The following TCF20 variants were observed in gnomAD, a reference collection of about 807,000 sequenced individuals.
TCF20 encodes SPRE-binding protein.
In TCF20, 3 loss-of-function variants were observed where a neutral mutation model predicts 148.6. The ratio of observed to expected loss-of-function variants is 0.02; its 90% CI spans 0.01 to 0.05. The LOEUF is 0.05. Among genes scored for constraint, TCF20 ranks in the 10% least tolerant of loss-of-function variants. The pLI is 1.00. For missense variants in TCF20, 2,350 were observed against 2,429.3 expected (o/e 0.97, Z 0.69); for synonymous variants, 1,049 against 909.5 (o/e 1.15, Z -2.76).
chr22:42,248,601 A>G (rs1429671627), intron 1 of TCF20, among the ~76,000 whole-genome samples: 1 of 152,230 alleles, frequency 6.6e-6, no homozygotes, highest in Non-Finnish European at 1.5e-5. Context: ...GTCTGCAATC[A>G]GTACCAATCA....
intron 1 of TCF20, among the ~76,000 whole-genome samples, chr22:42,248,400 C>T (rs79670449): frequency 2.6e-5 from 4 of 152,070 alleles, no homozygotes; most frequent in Admixed American, 6.6e-5. Flanking sequence ...TCTTTATCCC[C>T]GTTTTACAGA....
intron 1 of TCF20, among the ~76,000 whole-genome samples, chr22:42,268,387 G>A (rs1046663599): frequency 6.6e-6 from 1 of 152,134 alleles, no homozygotes; most frequent in Non-Finnish European, 1.5e-5. Context: ...CAGCATCTGC[G>A]GAGCACTGGC....
At position 42,209,922 on chromosome 22, in the gene TCF20, C is replaced by G. The variant is rs1920927725; in HGVS notation, c.5384G>C (p.Cys1795Ser). 3 of 1,614,190 alleles carry G rather than the reference C, an allele frequency of 1.9e-6. No individual in the cohort carries two copies. Among genetic ancestry groups the G allele is most frequent in the Non-Finnish European group, 2.5e-6 (3 of 1,180,036 alleles). ...GGACAGGGACCGAGGGCCTCCACCA[C>G]AGTCTTCCGAGCGGTGGCGCCGCTT... The part of the protein sequence containing the change: ...RFKRRHRSED[C>S]GGGPRSLSRG... Residue 1795 changes from cysteine (C) to serine (S), a missense_variant, in exon 2 of 6, where the codon TGT becomes TCT. Physicochemically the swap from Cys to Ser is moderately radical, Grantham distance 112 (BLOSUM62 -1). This residue lies in a region of TCF20 where 374 missense variants were observed against 398.3 expected (regional missense o/e 0.94). Coordinates refer to ENST00000677622, the MANE Select transcript of TCF20 (RefSeq NM_001378418.1).
At chr22:42,247,964 C>G (rs375280261) in intron 1 of TCF20, among the ~76,000 whole-genome samples, 1 of 152,222 alleles carries the variant, frequency 6.6e-6, no homozygotes, top group Non-Finnish European at 1.5e-5. Flanking sequence ...TAGACTGATA[C>G]AACCTTCTGG....
At chr22:42,253,618 A>C (rs1464949686) in intron 1 of TCF20, among the ~76,000 whole-genome samples, 3 of 152,210 alleles carry the variant, frequency 2.0e-5, no homozygotes, top group Non-Finnish European at 2.9e-5. Context: ...CTGGAATGTT[A>C]AAATCTAATA....
At chr22:42,196,255 G>A (rs1382759303) in intron 2 of TCF20, among the ~76,000 whole-genome samples, 2 of 152,214 alleles carry the variant, frequency 1.3e-5, no homozygotes, top group Non-Finnish European at 2.9e-5. Flanking sequence ...GAGTGCAGCT[G>A]GGCAGCACTT....
In TCF20 at chr22:42,245,529, T is replaced by C. The variant is rs77134147; in HGVS notation, c.-37+24810A>G. ...TTCTCCCTTAAGAACTGAGTCCTAG[T>C]ACTAAAAACTAACCTTTCACCATCA... On this transcript the variant is annotated intron_variant, in intron 1 of 5. Transcript: ENST00000677622. 7.0e-3 allele frequency among the ~76,000 whole-genome samples: 1,072 copies of C among 152,288 alleles called. 10 individuals carry two copies. Among genetic ancestry groups the C allele is most frequent in the Non-Finnish European group, 0.013 (866 of 68,022 alleles).
At chr22:42,274,911 T>G (rs1273406172), upstream of TCF20, 2 of 152,280 alleles carry the variant, frequency 1.3e-5, no homozygotes, top group African/African-American at 4.8e-5. Flanking sequence ...ACTATGCAGA[T>G]TTCCCTTTAT....
At chr22:42,253,437 A>G (rs78179954) in intron 1 of TCF20, among the ~76,000 whole-genome samples, 6,487 of 152,328 alleles carry the variant, frequency 0.043, 219 homozygotes, top group Non-Finnish European at 0.063. Flanking sequence ...CTGTTGAAAA[A>G]TATTTATTAA....
chr22:42,199,096 GAT>G (rs1412408894), intron 2 of TCF20, among the ~76,000 whole-genome samples: 4 of 152,194 alleles, frequency 2.6e-5, no homozygotes, highest in South Asian at 2.1e-4. Context: ...AGAAGAGTCA[GAT>G]ATGTTGGGTT....
chr22:42,270,168 A>T (rs1926524896), intron 1 of TCF20, 171 bp downstream of exon 1: 1 of 151,472 alleles, frequency 6.6e-6, no homozygotes, highest in African/African-American at 2.4e-5. Context: ...CCGGGCAGCA[A>T]CACTCCCCTC....
chr22:42,309,069 G>C (rs1358385428), intron 1 of TCF20, among the ~76,000 whole-genome samples: 4 of 152,172 alleles, frequency 2.6e-5, no homozygotes, highest in African/African-American at 9.7e-5. Context: ...GGGAGGCTGA[G>C]AGAAGCATGG....
Position 42,257,046 on chromosome 22 carries a change from G to C in TCF20, c.-37+13293C>G, listed in dbSNP as rs140687471. Among the ~76,000 whole-genome samples, 651 of 152,284 alleles carry C rather than the reference G, an allele frequency of 4.3e-3. 10 individuals carry two copies. The highest frequency in any genetic ancestry group is 0.015 in the African/African-American group (629 of 41,544). ...GTGGTGGCATGTGCCTGTAGTCGCA[G>C]ATACTCAGGAGGCCGAGGAAGGAAG... On this transcript the variant is annotated intron_variant, in intron 1 of 5. Transcript: ENST00000677622.
intron 1 of TCF20, among the ~76,000 whole-genome samples, chr22:42,216,275 G>T (rs186536937): frequency 2.0e-5 from 3 of 151,714 alleles, no homozygotes; most frequent in African/African-American, 7.3e-5. Context: ...ATGTATTAGG[G>T]TGATCACTGA....
chr22:42,336,101 G>A (rs1035868224), intron 1 of TCF20, among the ~76,000 whole-genome samples: 2 of 152,234 alleles, frequency 1.3e-5, no homozygotes, highest in Non-Finnish European at 1.5e-5. Context: ...AAACAGAGCA[G>A]GTTGGGTGAA....
At chr22:42,332,088 C>T (rs1202016007) in intron 1 of TCF20, among the ~76,000 whole-genome samples, 1 of 152,196 alleles carries the variant, frequency 6.6e-6, no homozygotes, top group Non-Finnish European at 1.5e-5. Flanking sequence ...AGACACCATC[C>T]CTGCCTCCTG....
At chr22:42,289,676 C>T (rs375302515) in intron 1 of TCF20, among the ~76,000 whole-genome samples, 5 of 152,160 alleles carry the variant, frequency 3.3e-5, no homozygotes, top group Non-Finnish European at 5.9e-5. Context: ...CTGAGAGAGG[C>T]GTCAGATGGG....
At position 42,322,894 on chromosome 22, in the gene TCF20, T is replaced by G. The variant is rs1286443215; in HGVS notation, c.-37+20585A>C. 1.1e-4 allele frequency among the ~76,000 whole-genome samples: 6 copies of G among 55,504 alleles called. 1 individual carries two copies. Among genetic ancestry groups the G allele is most frequent in the Middle Eastern group, 0.013 (1 of 78 alleles). 36.4% of individuals were successfully genotyped at this position (55,504 alleles called of 152,430 possible). On this transcript the variant is annotated intron_variant, in intron 1 of 1. Coordinates refer to the TCF20 transcript ENST00000515426. ...TCACCTGGCTGTTTTCATTTTCTGG[T>G]TTTTTTTTTGTTTGTTTTTCGTTTT... is the stretch of plus-strand genomic sequence containing the variant.
chr22:42,339,531 C>A (rs973550891), intron 1 of TCF20, among the ~76,000 whole-genome samples: 2 of 152,234 alleles, frequency 1.3e-5, no homozygotes, highest in Middle Eastern at 3.2e-3. Flanking sequence ...GGAGTTGGGG[C>A]AGCTGGTGGG....
Sources: gnomAD v4.1 joint callset for allele counts (sites outside exome capture counted in the v4.1 genomes callset) on GRCh38, gnomAD v4.1.1 for gene constraint, gnomAD v4.1.1 regional missense constraint, MANE v1.5 for transcripts, NCBI Gene and HGNC (gene_info 2026-07-23, HGNC 2026-07-21) for gene names.